RBMS3: variants seen among roughly 807,000 people sequenced by gnomAD.
RBMS3 encodes the protein RNA binding motif single stranded interacting protein 3.
A neutral mutation model predicts 66.8 loss-of-function variants in RBMS3; 27 were observed. The observed-to-expected ratio is 0.40, with a 90% CI of 0.30 to 0.56. The LOEUF (loss-of-function observed/expected upper bound fraction) is 0.56. RBMS3 is among the 20% of genes least tolerant of loss of function. The pLI is 0.40. For synonymous variants in RBMS3, 188 were observed against 183.0 expected (o/e 1.03, Z -0.22); for missense variants, 513 against 549.5 (o/e 0.93, Z 0.66).
intron 1 of RBMS3, among the ~76,000 whole-genome samples, chr3:29,375,179 CCTT>C: frequency 6.6e-6 from 1 of 152,226 alleles, no homozygotes; most frequent in East Asian, 1.9e-4. Flanking sequence ...AAACTGGACC[CCTT>C]CTTTATACCA....
At chr3:29,778,986 T>C (rs1020536584) in intron 6 of RBMS3, among the ~76,000 whole-genome samples, 15 of 151,882 alleles carry the variant, frequency 9.9e-5, no homozygotes, top group African/African-American at 3.4e-4. Context: ...CCCTACATGA[T>C]ACATAGAATG....
intron 6 of RBMS3, among the ~76,000 whole-genome samples, chr3:29,810,870 A>G (rs2057710308): frequency 6.6e-6 from 1 of 152,184 alleles, no homozygotes; most frequent in Non-Finnish European, 1.5e-5. Flanking sequence ...TTAGACACCA[A>G]TAGAAAACGC....
At chr3:29,946,409 G>T (rs542002261) in intron 12 of RBMS3, among the ~76,000 whole-genome samples, 2 of 151,674 alleles carry the variant, frequency 1.3e-5, no homozygotes, top group South Asian at 4.2e-4. Flanking sequence ...ACAATTTACA[G>T]ATACATAACT....
intron 1 of RBMS3, among the ~76,000 whole-genome samples, chr3:29,372,908 C>A (rs115708372): frequency 4.6e-5 from 7 of 150,562 alleles, no homozygotes; most frequent in African/African-American, 2.4e-5. Flanking sequence ...AAAGAAAAAA[C>A]GCCTTGAAAC....
intron 1 of RBMS3, among the ~76,000 whole-genome samples, chr3:29,310,224 G>A (rs149451656): frequency 1.3e-5 from 2 of 151,756 alleles, no homozygotes; most frequent in East Asian, 3.9e-4. Flanking sequence ...GATAAATTTT[G>A]TATTGGGATG....
chr3:29,865,319 C>T (rs918300584), intron 6 of RBMS3, among the ~76,000 whole-genome samples: 6 of 152,220 alleles, frequency 3.9e-5, no homozygotes, highest in Middle Eastern at 3.4e-3. Context: ...TCCTATAAAC[C>T]TTATAAGAAC....
chr3:29,990,989 TAA>T (rs1698827027), intron 13 of RBMS3, 91 bp from the exon 14 acceptor site: 1 of 1,277,956 alleles, frequency 7.8e-7, no homozygotes, highest in African/African-American at 1.5e-5. Flanking sequence ...TATCTCTACT[TAA>T]GCCAAATAGA....
chr3:29,491,993 G>GA (rs34050334), intron 3 of RBMS3, among the ~76,000 whole-genome samples: 37 of 146,124 alleles, frequency 2.5e-4, no homozygotes, highest in South Asian at 4.4e-4. Flanking sequence ...GCTCAGTCTC[G>GA]AAAAAAAAAA....
chr3:29,573,256 G>T (rs2047003262), intron 3 of RBMS3, among the ~76,000 whole-genome samples: 1 of 152,194 alleles, frequency 6.6e-6, no homozygotes, highest in African/African-American at 2.4e-5. Flanking sequence ...GACTAGCTGG[G>T]ATTACAGGTG....
At chr3:29,642,668 G>A (rs2049766502) in intron 4 of RBMS3, 2 of 152,056 alleles carry the variant, frequency 1.3e-5, no homozygotes, top group Non-Finnish European at 2.9e-5. Context: ...CCTTTCTTCT[G>A]TTGGTTTCTT....
At chr3:29,853,343 C>T (rs1185472038) in intron 6 of RBMS3, among the ~76,000 whole-genome samples, 1 of 150,162 alleles carries the variant, frequency 6.7e-6, no homozygotes, top group Admixed American at 6.6e-5. Flanking sequence ...AAATTGGTAA[C>T]TATGTAATTT....
intron 7 of RBMS3, 140 bp downstream of exon 7, chr3:29,869,104 C>A: frequency 1.5e-6 from 1 of 645,720 alleles, no homozygotes; most frequent in South Asian, 2.1e-5. Context: ...ATGAGCAGAC[C>A]CATGTTAATG....
chr3:29,605,321 G>T (rs7626149), intron 4 of RBMS3, among the ~76,000 whole-genome samples: 47,344 of 151,570 alleles, frequency 0.31, 8,382 homozygotes, highest in African/African-American at 0.49. Flanking sequence ...GGTTGTATAC[G>T]CTGTTAACAA....
chr3:29,364,801 A>G (rs1319170145), intron 1 of RBMS3, among the ~76,000 whole-genome samples: 2 of 152,142 alleles, frequency 1.3e-5, no homozygotes, highest in African/African-American at 2.4e-5. Flanking sequence ...TCAGGTGCAT[A>G]TCCTTTTATG....
At chr3:29,905,911 A>ATTGT (rs1224983338) in intron 10 of RBMS3, among the ~76,000 whole-genome samples, 1 of 152,010 alleles carries the variant, frequency 6.6e-6, no homozygotes, top group Non-Finnish European at 1.5e-5. Flanking sequence ...TATTTTTTTC[A>ATTGT]TTGTTTCTCA....
At chr3:29,884,340 T>G in intron 8 of RBMS3, 132 bp downstream of exon 8, 1 of 787,336 alleles carries the variant, frequency 1.3e-6, no homozygotes, top group Non-Finnish European at 2.0e-6. Flanking sequence ...AACCAAGCAT[T>G]TTTCATCATT....
intron 3 of RBMS3, among the ~76,000 whole-genome samples, chr3:29,527,810 C>T (rs2045191657): frequency 7.0e-6 from 1 of 143,098 alleles, no homozygotes; most frequent in African/African-American, 2.6e-5. Context: ...TACCCCACAA[C>T]AAGCCCTGGT....
intron 5 of RBMS3, among the ~76,000 whole-genome samples, chr3:29,759,306 G>C (rs945525101): frequency 2.0e-5 from 3 of 152,096 alleles, no homozygotes; most frequent in African/African-American, 7.2e-5. Flanking sequence ...ATGTCAAACA[G>C]GACCTTTAAT....
intron 3 of RBMS3, among the ~76,000 whole-genome samples, chr3:29,518,386 GT>G (rs2044724099): frequency 6.6e-6 from 1 of 152,156 alleles, no homozygotes; most frequent in South Asian, 2.1e-4. Context: ...TCTATTTCTT[GT>G]TTTAGTCAGT....
Sources: gnomAD v4.1 joint callset for allele counts (sites outside exome capture counted in the v4.1 genomes callset) on GRCh38, gnomAD v4.1.1 for gene constraint, MANE v1.5 for transcripts, NCBI Gene and HGNC (gene_info 2026-07-23, HGNC 2026-07-21) for gene names.